The following PAX5 variants were observed in gnomAD, a reference collection of about 807,000 sequenced individuals.
PAX5 encodes the protein paired box 5, also known as paired box protein Pax-5.
In PAX5, 9 loss-of-function variants were observed where a neutral mutation model predicts 43.7. The observed-to-expected ratio is 0.21, with a 90% CI of 0.12 to 0.36. The LOEUF is 0.36. PAX5 is among the 10% of genes least tolerant of loss of function. The pLI, the probability that PAX5 is intolerant of heterozygous loss-of-function variation, is 1.00. For missense variants in PAX5, 383 were observed against 532.7 expected (o/e 0.72, Z 2.77); for synonymous variants, 228 against 214.3 (o/e 1.06, Z -0.56).
At chr9:36,881,853 G>A (rs1000292673) in intron 8 of PAX5, 151 bp downstream of exon 8, 17 of 663,444 alleles carry the variant, frequency 2.6e-5, no homozygotes, top group African/African-American at 1.3e-4. Context: ...CCCACTGCAG[G>A]CCCAGCTGCA....
At chr9:36,965,110 C>A (rs1208168507) in intron 6 of PAX5, among the ~76,000 whole-genome samples, 1 of 152,062 alleles carries the variant, frequency 6.6e-6, no homozygotes, top group African/African-American at 2.4e-5. Context: ...AGCATAAATA[C>A]CTTTCCCCCA....
chr9:36,940,627 A>C (rs2132057163), intron 6 of PAX5, among the ~76,000 whole-genome samples: 1 of 152,140 alleles, frequency 6.6e-6, no homozygotes, highest in East Asian at 2.0e-4. Flanking sequence ...GCCCTCTAGA[A>C]GTGGACACCA....
At chr9:36,977,033 G>A (rs887854116) in intron 5 of PAX5, among the ~76,000 whole-genome samples, 4 of 152,158 alleles carry the variant, frequency 2.6e-5, no homozygotes, top group East Asian at 1.9e-4. Flanking sequence ...TCTTAGCCCC[G>A]TCCCCTACTG....
chr9:37,008,216 C>T (rs1474624269), intron 3 of PAX5, among the ~76,000 whole-genome samples: 2 of 152,092 alleles, frequency 1.3e-5, no homozygotes, highest in Admixed American at 1.3e-4. Flanking sequence ...CATGCCACTG[C>T]CTAATTTTTG....
chr9:36,965,142 G>C (rs1450217315), intron 6 of PAX5, among the ~76,000 whole-genome samples: 1 of 152,050 alleles, frequency 6.6e-6, no homozygotes, highest in Non-Finnish European at 1.5e-5. Context: ...AGGCCTCCAG[G>C]CTGGCTCAGC....
In PAX5 at chr9:36,886,846, G is replaced by A. The variant is rs59082531; in HGVS notation, c.911-4741C>T. Among the ~76,000 whole-genome samples the A allele has an allele frequency of 9.0e-3, 1,373 of 152,182 alleles. 21 individuals are homozygous for A. The highest frequency in any genetic ancestry group is 0.029 in the African/African-American group (1,220 of 41,510). ...TAAGTACATCTTTTCTAACTCATGC[G>A]TGGCCTTCTCTTACCAGGGAGAATA... On this transcript the variant is annotated intron_variant, in intron 7 of 9. Coordinates refer to ENST00000358127, the MANE Select transcript of PAX5 (RefSeq NM_016734.3).
intron 6 of PAX5, among the ~76,000 whole-genome samples, chr9:36,923,849 A>C (rs201556402): frequency 1.3e-5 from 2 of 152,298 alleles, no homozygotes; most frequent in East Asian, 3.9e-4. Flanking sequence ...AGGCAGAAAT[A>C]AGTGTCTTCT....
chr9:36,877,421 C>T (rs57765887), intron 8 of PAX5, among the ~76,000 whole-genome samples: 1 of 152,166 alleles, frequency 6.6e-6, no homozygotes, highest in African/African-American at 2.4e-5. Context: ...AAAAAACACC[C>T]CGAAGATTTT....
At chr9:37,028,628 A>T (rs1840664187) in intron 1 of PAX5, among the ~76,000 whole-genome samples, 1 of 152,182 alleles carries the variant, frequency 6.6e-6, no homozygotes, top group Non-Finnish European at 1.5e-5. Context: ...TCCACCGGAG[A>T]AATTCCGCAC....
intron 6 of PAX5, among the ~76,000 whole-genome samples, chr9:36,933,305 C>G (rs1021403320): frequency 1.3e-5 from 2 of 152,210 alleles, no homozygotes; most frequent in African/African-American, 4.8e-5. Context: ...CAAGGACAGC[C>G]AGGAGCTTAC....
At chr9:36,987,825 C>T (rs1211958387) in intron 5 of PAX5, among the ~76,000 whole-genome samples, 1 of 152,220 alleles carries the variant, frequency 6.6e-6, no homozygotes, top group African/African-American at 2.4e-5. Context: ...GCCTCTCTGC[C>T]TGCCTGCCTG....
chr9:37,004,001 G>A (rs1180999336), intron 4 of PAX5, among the ~76,000 whole-genome samples: 1 of 152,238 alleles, frequency 6.6e-6, no homozygotes, highest in African/African-American at 2.4e-5. Context: ...ACAGCCCAGA[G>A]TGCTATTATT....
rs548908791 is a variant in PAX5, at chr9:36,892,159, C to A, written c.911-10054G>T. Among the ~76,000 whole-genome samples, 11 of 152,334 alleles carry A rather than the reference C, an allele frequency of 7.2e-5. No homozygotes were observed. The South Asian group carries it at 2.1e-3, about 29-fold the overall frequency. ...AAAGCAGCAAAGCAGCTCTACCACA[C>A]TGATGGCTCTGGGCCTCCCTGCCAC... On this transcript the variant is annotated intron_variant, in intron 7 of 9. Coordinates refer to ENST00000358127, the MANE Select transcript of PAX5 (RefSeq NM_016734.3).
chr9:36,852,455 G>A (rs1023148689), intron 8 of PAX5, among the ~76,000 whole-genome samples: 31 of 152,234 alleles, frequency 2.0e-4, no homozygotes, highest in African/African-American at 6.8e-4. Flanking sequence ...CAGGAGGGGA[G>A]GGCTGCGTGG....
intron 1 of PAX5, among the ~76,000 whole-genome samples, chr9:37,021,639 G>T (rs1839862343): frequency 6.6e-6 from 1 of 152,214 alleles, no homozygotes; most frequent in Non-Finnish European, 1.5e-5. Flanking sequence ...TCCTGGGATA[G>T]ATTTTAAGTA....
intron 7 of PAX5, among the ~76,000 whole-genome samples, chr9:36,890,128 G>A (rs1437526654): frequency 6.6e-6 from 1 of 152,112 alleles, no homozygotes; most frequent in East Asian, 1.9e-4. Flanking sequence ...TCATTACCCT[G>A]ACAGTGTGAA....
chr9:37,027,419 G>C (rs956642000), intron 1 of PAX5, among the ~76,000 whole-genome samples: 1 of 152,156 alleles, frequency 6.6e-6, no homozygotes, highest in Non-Finnish European at 1.5e-5. Flanking sequence ...CCAACTCTTC[G>C]AGCCCCGCCG....
intron 5 of PAX5, among the ~76,000 whole-genome samples, chr9:36,980,382 G>C (rs139359556): frequency 5.9e-5 from 9 of 152,272 alleles, no homozygotes; most frequent in East Asian, 5.8e-4. Flanking sequence ...GGTGCCTCTG[G>C]GGGGAGCCAT....
chr9:36,997,778 C>T (rs1329868519), intron 5 of PAX5, among the ~76,000 whole-genome samples: 2 of 152,238 alleles, frequency 1.3e-5, no homozygotes, highest in African/African-American at 4.8e-5. Context: ...CCGTGTGAAC[C>T]GGGGCTGTGC....
Sources: gnomAD v4.1 joint callset for allele counts (sites outside exome capture counted in the v4.1 genomes callset) on GRCh38, gnomAD v4.1.1 for gene constraint, MANE v1.5 for transcripts, NCBI Gene and HGNC (gene_info 2026-07-23, HGNC 2026-07-21) for gene names.